Variants in CYP4A11 observed in about 807,000 individuals in gnomAD.
CYP4A11 encodes the protein cytochrome P450 4A11.
A neutral mutation model predicts 57.7 loss-of-function variants in CYP4A11; 52 were observed. That is an observed-to-expected ratio of 0.90 (90% CI 0.72 to 1.14). The LOEUF is 1.14. CYP4A11 is among the 50% of genes most tolerant of loss of function. CYP4A11 has a pLI of 0.00. For missense variants in CYP4A11, 641 were observed against 642.1 expected (o/e 1.00, Z 0.02); for synonymous variants, 228 against 247.1 (o/e 0.92, Z 0.72).
chr1:46,937,337 G>C lies in CYP4A11; in HGVS notation c.347C>G (p.Ser116Cys). The C allele has an allele frequency of 6.2e-7, 1 of 1,614,126 alleles. No individual in the cohort carries two copies. Among genetic ancestry groups the C allele is most frequent in the Non-Finnish European group, 8.5e-7 (1 of 1,179,980 alleles). ...AGCCAGGAATCTGTAGGAACCATGG[G>C]ATTTCGGGTCTGAAAGGCAAGAAAG... ...KVILGRSDPK[S>C]HGSYRFLAPW... The change falls in exon 3 of 12, where the codon TCC (serine) becomes TGC (cysteine). Residue 116 changes from serine (S) to cysteine (C), a missense_variant. Ser to Cys is a moderately radical substitution (Grantham distance 112). Coordinates refer to ENST00000310638, the MANE Select transcript of CYP4A11 (RefSeq NM_000778.4).
chr1:46,932,118 T>C (rs1681064590), intron 11 of CYP4A11: 1 of 976,770 alleles, frequency 1.0e-6, no homozygotes, highest in Admixed American at 6.1e-5. Flanking sequence ...GGAAAATAGA[T>C]GTAAATATGT....
rs200962021 is a variant in CYP4A11 at position 46,933,927 on chromosome 1, G to T, written c.1222+19C>A. On this transcript the variant is annotated intron_variant, in intron 9 of 11. Coordinates refer to ENST00000310638, the MANE Select transcript of CYP4A11 (RefSeq NM_000778.4). The stretch of plus-strand genomic sequence containing the variant: ...GTCCCTGTGGAGAGTTTAGGTGAGA[G>T]GGTGGGGGAACTTCATACCTTTGGG... 6.2e-7 allele frequency: 1 copy of T among 1,613,964 alleles called. No individual in the cohort carries two copies. Among genetic ancestry groups the T allele is most frequent in the South Asian group, 1.1e-5 (1 of 91,042 alleles).
chr1:46,934,859 G>A, intron 6 of CYP4A11, 141 bp downstream of exon 6: 3 of 1,423,288 alleles, frequency 2.1e-6, no homozygotes, highest in Non-Finnish European at 2.8e-6. Context: ...TCAGCTCCCA[G>A]CCCCTGAGCA....
intron 1 of CYP4A11, among the ~76,000 whole-genome samples, chr1:46,939,153 G>A (rs893346309): frequency 2.6e-5 from 4 of 152,170 alleles, no homozygotes; most frequent in Non-Finnish European, 5.9e-5. Flanking sequence ...TATTTCAACT[G>A]CTTCTAGTAA....
At position 46,935,469 on chromosome 1, in the gene CYP4A11, G is replaced by A. The variant is rs1570084431; in HGVS notation, c.635+54C>T. On this transcript the variant is annotated intron_variant, in intron 5 of 11. Transcript: ENST00000310638. ...GCTGCCCCACCTGCCCCTCAGGTAT[G>A]TGCACTCCACTTGATAAGAACAAGG... The A allele has an allele frequency of 1.5e-5, 24 of 1,551,738 alleles. No homozygotes were observed. In the East Asian group the frequency reaches 5.4e-4, roughly 35 times the overall value.
At chr1:46,940,601 C>A (rs9332981) in intron 1 of CYP4A11, 3 of 916,130 alleles carry the variant, frequency 3.3e-6, no homozygotes, top group Non-Finnish European at 3.9e-6. Flanking sequence ...GGCTGCCCCC[C>A]TCATGTGTAC....
In CYP4A11 at chr1:46,932,767, C is replaced by T. The variant is rs771932669; in HGVS notation, c.1358G>A (p.Gly453Glu). 9.3e-6 allele frequency: 15 copies of T among 1,614,076 alleles called. No individual in the cohort carries two copies. The highest frequency in any genetic ancestry group is 1.1e-5 in the Non-Finnish European group (13 of 1,180,054). Residue 453 changes from glycine to glutamate, a missense_variant, in exon 11 of 12, where the codon GGA becomes GAA. Physicochemically the swap from Gly to Glu is moderately conservative, Grantham distance 98. Coordinates refer to ENST00000310638, the MANE Select transcript of CYP4A11 (RefSeq NM_000778.4). ...ACCACACAGGACGTCTCACCTTGAT[C>T]CTCCTGAGAAGGGCAGGAAAGCGTG... ...HSHAFLPFSGGSRNCIGKQFA... is the reference protein window; with the variant it reads ...HSHAFLPFSGESRNCIGKQFA...
At chr1:46,936,874 G>A in intron 3 of CYP4A11, 83 bp from the exon 4 acceptor site, 1 of 1,502,244 alleles carries the variant, frequency 6.7e-7, no homozygotes, top group Non-Finnish European at 8.9e-7. Flanking sequence ...GGGATGACTG[G>A]TGACAATTTG....
rs1263971882 is a variant in CYP4A11 at position 46,938,083 on chromosome 1, T to C, written c.250A>G (p.Ser84Gly). The C allele has an allele frequency of 2.5e-6, 4 of 1,614,206 alleles. No homozygotes were observed. The South Asian group carries it at 3.3e-5, about 13-fold the overall frequency. ...RIQKWVETFP[S>G]ACPHWLWGGK... ...CCCCATAGCCAATGAGGACAGGCAC[T>C]TGGGAATGTCTCCACCCATTTCTGA... The change falls in exon 2 of 12, where the codon AGT becomes GGT. Residue 84 changes from serine (S) to glycine (G), a missense_variant. Transcript: ENST00000310638.
intron 1 of CYP4A11, 160 bp downstream of exon 1, chr1:46,941,079 T>A (rs1291515136): frequency 1.0e-6 from 1 of 956,724 alleles, no homozygotes; most frequent in Non-Finnish European, 1.2e-6. Context: ...AGTGAGCTCC[T>A]CATGACTGGG....
chr1:46,937,698 A>G (rs113829417), intron 2 of CYP4A11, among the ~76,000 whole-genome samples: 1 of 152,368 alleles, frequency 6.6e-6, no homozygotes, highest in African/African-American at 2.4e-5. Flanking sequence ...ACCCAGGTCA[A>G]TGTGGGTATG....
At chr1:46,930,733 C>A (rs1431207599) in intron 11 of CYP4A11, among the ~76,000 whole-genome samples, 1 of 152,206 alleles carries the variant, frequency 6.6e-6, no homozygotes, top group East Asian at 1.9e-4. Flanking sequence ...TCAGGTGCTT[C>A]CCATGTAGTG....
intron 1 of CYP4A11, among the ~76,000 whole-genome samples, chr1:46,940,032 G>T (rs1681653961): frequency 6.6e-6 from 1 of 151,954 alleles, no homozygotes; most frequent in African/African-American, 2.4e-5. Context: ...TAGCACCTTG[G>T]TGAGTCCCTC....
chr1:46,936,373 C>G (rs1187846596), intron 4 of CYP4A11, among the ~76,000 whole-genome samples: 1 of 152,256 alleles, frequency 6.6e-6, no homozygotes, highest in Non-Finnish European at 1.5e-5. Flanking sequence ...AGATTGCATA[C>G]TCCTCCAGTC....
chr1:46,933,851 C>A, intron 9 of CYP4A11, 95 bp downstream of exon 9: 1 of 1,541,254 alleles, frequency 6.5e-7, no homozygotes, highest in Non-Finnish European at 8.8e-7. Flanking sequence ...AAAGGGAGAC[C>A]CAGAGATGTG....
intron 3 of CYP4A11, 139 bp from the exon 4 acceptor site, chr1:46,936,930 G>T: frequency 7.0e-7 from 1 of 1,422,460 alleles, no homozygotes; most frequent in South Asian, 1.6e-5. Context: ...TCCAGAAGAA[G>T]CCACGTCATG....
chr1:46,934,930 G>A lies in CYP4A11; in HGVS notation c.790+70C>T. 7 of 1,572,490 alleles carry A rather than the reference G, an allele frequency of 4.5e-6. No individual in the cohort carries two copies. In the Admixed American group the frequency reaches 1.3e-4, roughly 28 times the overall value. On this transcript the variant is annotated intron_variant, in intron 6 of 11. Coordinates refer to ENST00000310638, the MANE Select transcript of CYP4A11 (RefSeq NM_000778.4). ...GCAGGGTTACTAGGGGCCTTCTCTGGCTGAGGAGTCAGGGCAAGTTCTTTC... is the reference window on the plus strand; with the variant it reads ...GCAGGGTTACTAGGGGCCTTCTCTGACTGAGGAGTCAGGGCAAGTTCTTTC...
intron 2 of CYP4A11, among the ~76,000 whole-genome samples, chr1:46,937,552 G>A (rs748077800): frequency 8.5e-5 from 13 of 152,144 alleles, no homozygotes; most frequent in Admixed American, 5.9e-4. Context: ...ACATCCAGAG[G>A]GTTAGGAAGG....
At chr1:46,935,198 A>G (rs765342979) in intron 5 of CYP4A11, 44 bp from the exon 6 acceptor site, 2 of 1,587,828 alleles carry the variant, frequency 1.3e-6, no homozygotes, top group Non-Finnish European at 1.7e-6. Flanking sequence ...GGGTGGGCCC[A>G]TTACCCGGAA....
Sources: allele counts gnomAD v4.1 joint callset (sites outside exome capture counted in the v4.1 genomes callset), GRCh38; gene constraint gnomAD v4.1.1; transcripts MANE v1.5; gene names NCBI Gene and HGNC (gene_info 2026-07-23, HGNC 2026-07-21).